The following TLN2 variants were observed in gnomAD, a reference collection of about 807,000 sequenced individuals.
TLN2 encodes talin 2, also known as talin-2.
Under a neutral mutation model 294.7 loss-of-function variants are expected in TLN2, and 118 were observed. The observed-to-expected ratio is 0.40, with a 90% confidence interval of 0.34 to 0.47. The LOEUF (loss-of-function observed/expected upper bound fraction) is 0.47, where lower values mean the gene tolerates loss of function less well. Ranked by LOEUF, TLN2 falls within the 20% of genes least tolerant of loss-of-function variation. The probability of loss-of-function intolerance (pLI) is 0.84; values close to 1 mark genes in which losing one functional copy is unlikely to be tolerated. For synonymous variants in TLN2, 1,431 were observed against 1,304.5 expected (o/e 1.10, Z -2.09); for missense variants, 3,083 against 3,282.2 (o/e 0.94, Z 1.48).
chr15:62,582,765 C>A (rs1443288170), intron 1 of TLN2, among the ~76,000 whole-genome samples: 1 of 152,164 alleles, frequency 6.6e-6, no homozygotes, highest in East Asian at 1.9e-4. Flanking sequence ...GGACTGGTCC[C>A]AGTGACTGTG....
In TLN2 at chr15:62,844,431, A is replaced by G. The variant is rs1015278038; in HGVS notation, c.*3821A>G. The stretch of plus-strand genomic sequence containing the variant: ...CCTCCAGGGAGCATCAGTGTACCTG[A>G]GTCACTTTGTCTGCATCTCTTCATC... On this transcript the variant is annotated 3_prime_UTR_variant, in exon 59 of 59. Coordinates refer to ENST00000636159, the MANE Select transcript of TLN2 (RefSeq NM_015059.3). 6.6e-6 allele frequency: 1 copy of G among 152,028 alleles called. No homozygotes were observed. The highest frequency in any genetic ancestry group is 2.4e-5 in the African/African-American group (1 of 41,372). 9.4% of individuals were successfully genotyped at this position (152,028 alleles called of 1,614,324 possible). A position where few individuals can be genotyped will look rare whatever the true frequency, so the allele number is the denominator to read the frequency against.
At chr15:62,597,098 TC>T in intron 2 of TLN2, among the ~76,000 whole-genome samples, 1 of 152,268 alleles carries the variant, frequency 6.6e-6, no homozygotes, top group Non-Finnish European at 1.5e-5. Flanking sequence ...GTCCTGCTGT[TC>T]CCCTTTGCAC....
At chr15:62,549,190 C>G (rs534907067) in intron 1 of TLN2, among the ~76,000 whole-genome samples, 73 of 152,256 alleles carry the variant, frequency 4.8e-4, no homozygotes, top group African/African-American at 1.6e-3. Flanking sequence ...CTGTAGGGCT[C>G]CCTGAGAGCC....
At chr15:62,559,797 G>A (rs898224264) in intron 1 of TLN2, among the ~76,000 whole-genome samples, 7 of 152,202 alleles carry the variant, frequency 4.6e-5, no homozygotes, top group East Asian at 3.8e-4. Flanking sequence ...GGGCTCCCAC[G>A]TACCTGGTCC....
intron 9 of TLN2, among the ~76,000 whole-genome samples, chr15:62,664,175 A>G (rs759837669): frequency 6.6e-6 from 1 of 152,004 alleles, no homozygotes; most frequent in Non-Finnish European, 1.5e-5. Context: ...AGAAATTTGC[A>G]TATTTGCAAT....
chr15:62,443,563 T>A (rs537388878), intron 1 of TLN2, among the ~76,000 whole-genome samples: 1 of 152,208 alleles, frequency 6.6e-6, no homozygotes, highest in Non-Finnish European at 1.5e-5. Context: ...CAACGTCTAT[T>A]AAAATTCCTG....
At chr15:62,464,713 A>G (rs1383158989) in intron 1 of TLN2, among the ~76,000 whole-genome samples, 5 of 152,086 alleles carry the variant, frequency 3.3e-5, no homozygotes, top group Non-Finnish European at 5.9e-5. Context: ...GTGATGGATC[A>G]CTTTTATTCT....
Position 62,800,410 on chromosome 15 carries a change from T to A in TLN2, c.6277T>A (p.Ser2093Thr). 1 of 1,614,198 alleles carries A rather than the reference T, an allele frequency of 6.2e-7. No homozygotes were observed. The highest frequency in any genetic ancestry group is 8.5e-7 in the Non-Finnish European group (1 of 1,180,030). ...CATCAAAGATGTGGCCAAGGCCCTT[T>A]CTGATCTCATCAGTGCTACCAAGGG... ...NAIKDVAKAL[S>T]DLISATKGAA... Residue 2093 changes from serine (S) to threonine (T), a missense_variant, in exon 49 of 59, where the codon TCT becomes ACT. By Grantham distance (58) the Ser-to-Thr change is moderately conservative. Coordinates refer to ENST00000636159, the MANE Select transcript of TLN2 (RefSeq NM_015059.3).
At chr15:62,805,810 A>T (rs1004094043) in intron 51 of TLN2, 25 bp downstream of exon 51, 1 of 1,602,602 alleles carries the variant, frequency 6.2e-7, no homozygotes, top group Admixed American at 1.7e-5. Flanking sequence ...ATGGTTTTGG[A>T]TGGACAGATG....
At chr15:62,673,094 G>GTGTGTGTGTGTGTGTGTGTC (rs1326273000) in intron 9 of TLN2, among the ~76,000 whole-genome samples, 2 of 150,580 alleles carry the variant, frequency 1.3e-5, no homozygotes, top group Non-Finnish European at 3.0e-5. Context: ...GTGTGTGTGT[G>GTGTGTGTGTGTGTGTGTGTC]TGTGTCTGTG....
chr15:62,588,665 C>CATATATATATATAT (rs3055752), intron 1 of TLN2, among the ~76,000 whole-genome samples: 7 of 71,450 alleles, frequency 9.8e-5, no homozygotes, highest in Admixed American at 1.8e-4. Flanking sequence ...ACATTTTTTT[C>CATATATATATATAT]ATATATATAT....
chr15:62,697,931 A>T, intron 15 of TLN2, 63 bp downstream of exon 15: 3 of 1,562,898 alleles, frequency 1.9e-6, no homozygotes, highest in Non-Finnish European at 1.7e-6. Context: ...CAGGGTGGAC[A>T]CCAGCGGCGG....
At chr15:62,651,663 C>T (rs1009322060) in intron 5 of TLN2, among the ~76,000 whole-genome samples, 5 of 152,056 alleles carry the variant, frequency 3.3e-5, no homozygotes, top group South Asian at 4.2e-4. Flanking sequence ...AAGTGCAGGG[C>T]GGCTTATGGA....
At chr15:62,474,036 G>T (rs1262210762) in intron 1 of TLN2, among the ~76,000 whole-genome samples, 1 of 152,226 alleles carries the variant, frequency 6.6e-6, no homozygotes. Flanking sequence ...GGAAGTTGCA[G>T]TGAGCCCAGA....
chr15:62,686,506 A>C (rs2057304156), intron 11 of TLN2, 135 bp from the exon 12 acceptor site: 1 of 1,026,846 alleles, frequency 9.7e-7, no homozygotes, highest in African/African-American at 1.6e-5. Flanking sequence ...TAGCCTCAAA[A>C]TCTTGGTTTC....
At chr15:62,693,178 A>T (rs1313904162) in intron 13 of TLN2, among the ~76,000 whole-genome samples, 1 of 152,120 alleles carries the variant, frequency 6.6e-6, no homozygotes, top group African/African-American at 2.4e-5. Flanking sequence ...AAAAATACAA[A>T]AAAGTTAGCC....
chr15:62,621,844 A>C (rs1338278218), intron 3 of TLN2, among the ~76,000 whole-genome samples: 1 of 152,106 alleles, frequency 6.6e-6, no homozygotes, highest in Non-Finnish European at 1.5e-5. Flanking sequence ...AATGTGGGAG[A>C]TTTTTCCTCA....
intron 20 of TLN2, among the ~76,000 whole-genome samples, chr15:62,708,057 A>AC (rs141470920): frequency 1.3e-5 from 2 of 151,298 alleles, no homozygotes; most frequent in Non-Finnish European, 2.9e-5. Flanking sequence ...AACTGACAGA[A>AC]CCCCCCTGTT....
intron 1 of TLN2, among the ~76,000 whole-genome samples, chr15:62,413,485 C>G (rs1200297760): frequency 6.6e-6 from 1 of 152,146 alleles, no homozygotes; most frequent in African/African-American, 2.4e-5. Context: ...GTAAATATCC[C>G]TATTGTTGGG....
Sources: allele counts gnomAD v4.1 joint callset (sites outside exome capture counted in the v4.1 genomes callset), GRCh38; gene constraint gnomAD v4.1.1; transcripts MANE v1.5; gene names NCBI Gene and HGNC (gene_info 2026-07-23, HGNC 2026-07-21).